Variants in TICRR observed in about 807,000 individuals in gnomAD.
The protein encoded by TICRR is treslin.
Under a neutral mutation model 178.1 loss-of-function variants are expected in TICRR, and 132 were observed. That is an observed-to-expected ratio of 0.74 (90% CI 0.64 to 0.86). The LOEUF is 0.86. Among genes scored for constraint, TICRR ranks in the 40% least tolerant of loss-of-function variants. TICRR has a pLI of 0.00. For missense variants in TICRR, 2,587 were observed against 2,334.3 expected, an observed-to-expected ratio of 1.11 and a Z score of -2.23; for synonymous variants, 991 against 900.7, an observed-to-expected ratio of 1.10 and a Z score of -1.79.
chr15:89,627,988 A>AT lies in TICRR; in HGVS notation c.*911dup, dbSNP rs113145397. ...AAACTTCCCATTTGTCCCTTCAAAG[A>AT]TTTTTTTTTATTAAATGGTTTTTTA... On this transcript the variant is annotated 3_prime_UTR_variant, in exon 22 of 22. Transcript: ENST00000268138. 1,560 of 157,664 alleles carry AT rather than the reference A, an allele frequency of 9.9e-3. 27 individuals are homozygous for AT. Among genetic ancestry groups the AT allele is most frequent in the African/African-American group, 0.035 (1,455 of 41,660 alleles). The allele number at this position is 157,664 out of a possible 1,614,324, so 9.8% of individuals were successfully genotyped here.
At chr15:89,596,791 TTAGA>T (rs1432171213) in intron 7 of TICRR, among the ~76,000 whole-genome samples, 1 of 152,242 alleles carries the variant, frequency 6.6e-6, no homozygotes, top group Non-Finnish European at 1.5e-5. Context: ...TGTTGGACCC[TTAGA>T]TAGTTAATAG....
chr15:89,616,776 T>G (rs762740343), intron 16 of TICRR, among the ~76,000 whole-genome samples: 1 of 152,214 alleles, frequency 6.6e-6, no homozygotes, highest in Non-Finnish European at 1.5e-5. Flanking sequence ...ACTCCACGGT[T>G]TTTAAATCCA....
intron 9 of TICRR, 74 bp from the exon 10 acceptor site, chr15:89,601,224 T>C: frequency 2.3e-6 from 3 of 1,316,606 alleles, no homozygotes; most frequent in Non-Finnish European, 3.2e-6. Context: ...TATAAATAGA[T>C]CTATGCTTAC....
chr15:89,626,190 A>T, intron 21 of TICRR, 129 bp downstream of exon 21: 1 of 990,482 alleles, frequency 1.0e-6, no homozygotes, highest in Non-Finnish European at 1.5e-6. Flanking sequence ...CTTCGCGCCT[A>T]CAGCGTCATG....
chr15:89,625,806 C>A lies in TICRR; in HGVS notation c.5476+20C>A, dbSNP rs760747262. On this transcript the variant is annotated intron_variant, in intron 20 of 21. Transcript: ENST00000268138. ...TTTCCGGTGAGTTCGTTTTTGAAACCCAGTTTCCTCATGGTTTCTTTTGGT... is the reference window on the plus strand; with the variant it reads ...TTTCCGGTGAGTTCGTTTTTGAAACACAGTTTCCTCATGGTTTCTTTTGGT... 9 of 1,581,510 alleles carry A rather than the reference C, an allele frequency of 5.7e-6. No homozygotes were observed. In the Admixed American group the frequency reaches 1.6e-4, roughly 28 times the overall value.
intron 18 of TICRR, among the ~76,000 whole-genome samples, chr15:89,620,677 C>T (rs968490035): frequency 6.6e-6 from 1 of 151,970 alleles, no homozygotes; most frequent in Non-Finnish European, 1.5e-5. Flanking sequence ...AAATTGTTGC[C>T]TTCTTTCTTT....
chr15:89,609,637 GCTAA>G (rs1963228074), intron 15 of TICRR, among the ~76,000 whole-genome samples: 3 of 151,822 alleles, frequency 2.0e-5, no homozygotes, highest in South Asian at 4.2e-4. Flanking sequence ...ACCACACCCG[GCTAA>G]TTTTTGTATT....
chr15:89,625,458 TGAGTCA>T lies in TICRR; in HGVS notation c.5152_5157del (p.Ser1718_Glu1719del). 6.2e-7 allele frequency: 1 copy of T among 1,613,932 alleles called. No homozygotes were observed. Among genetic ancestry groups the T allele is most frequent in the Non-Finnish European group, 8.5e-7 (1 of 1,180,000 alleles). On this transcript the variant is annotated inframe_deletion, in exon 20 of 22. Coordinates refer to ENST00000268138, the MANE Select transcript of TICRR (RefSeq NM_152259.4). ...ACCTTCCTGGGAGCCTGTCACTGCT[TGAGTCA>T]GAGGGCAAGGACCACGGCCTTGAAC...
Position 89,594,498 on chromosome 15 carries a change from A to G in TICRR, c.1625A>G (p.Gln542Arg). ...ATACATTGCCTTGCCGAGCTCTACC[A>G]GAGAAAATCTCGTGAAGAATCCACT... ...ELIHCLAELY[Q>R]RKSREESTIA... Residue 542 changes from glutamine (Q) to arginine (R), a missense_variant, in exon 6 of 22, where the codon CAG becomes CGG. Coordinates refer to ENST00000268138, the MANE Select transcript of TICRR (RefSeq NM_152259.4). 3.1e-6 allele frequency: 5 copies of G among 1,613,448 alleles called. No individual in the cohort carries two copies. The highest frequency in any genetic ancestry group is 4.2e-6 in the Non-Finnish European group (5 of 1,179,668).
intron 19 of TICRR, among the ~76,000 whole-genome samples, chr15:89,622,140 A>C (rs1963437409): frequency 6.6e-6 from 1 of 151,834 alleles, no homozygotes; most frequent in East Asian, 1.9e-4. Context: ...CACCCACCAC[A>C]ACGCCCAACT....
intron 4 of TICRR, 35 bp downstream of exon 4, chr15:89,585,977 G>C (rs777898992): frequency 1.3e-6 from 2 of 1,579,298 alleles, no homozygotes; most frequent in African/African-American, 1.3e-5. Context: ...CAGAGTCTAG[G>C]GTGGTTTGCA....
Position 89,606,817 on chromosome 15 carries a change from C to T in TICRR, c.2714C>T (p.Thr905Ile), listed in dbSNP as rs998277303. 6.2e-7 allele frequency: 1 copy of T among 1,613,512 alleles called. No individual in the cohort carries two copies. The highest frequency in any genetic ancestry group is 8.5e-7 in the Non-Finnish European group (1 of 1,179,502). ...PQQPSQPVKD[T>I]VQEVTKVRRN... ...CAGCCTTCCCAGCCAGTGAAAGATA[C>T]AGTGCAAGGTATACTGTTTTCTCAG... The change falls in exon 14 of 22, where the codon ACA (threonine) becomes ATA (isoleucine). Residue 905 changes from threonine (T) to isoleucine (I), a missense_variant. Transcript: ENST00000268138.
chr15:89,601,800 T>A lies in TICRR; in HGVS notation c.2391T>A (p.Pro797=). 2 of 1,614,190 alleles carry A rather than the reference T, an allele frequency of 1.2e-6. No homozygotes were observed. Among genetic ancestry groups the A allele is most frequent in the Middle Eastern group, 1.6e-4 (1 of 6,062 alleles). Residue 797 remains proline (P), a synonymous_variant, in exon 12 of 22, where the codon CCT becomes CCA. Transcript: ENST00000268138. ...ACAACAGCCTAGGGTTTGTGATTCC[T>A]CAGAAGCTGGCTGGTGTCCTTCCTA... The part of the protein sequence containing the change: ...NLYNSLGFVI[P]QKLAGVLPTD...
chr15:89,625,961 C>G lies in TICRR; in HGVS notation c.5502C>G (p.Ala1834=). ...VSGSTPPPSC[A]VRSCLSASAL... ...GCTCCACCCCACCTCCCAGCTGTGC[C>G]GTGCGGAGCTGCCTCTCTGCCAGTG... The change falls in exon 21 of 22, where the codon GCC becomes GCG. Residue 1834 remains alanine, a synonymous_variant. Coordinates refer to ENST00000268138, the MANE Select transcript of TICRR (RefSeq NM_152259.4). 6.3e-7 allele frequency: 1 copy of G among 1,590,216 alleles called. No homozygotes were observed. The highest frequency in any genetic ancestry group is 8.5e-7 in the Non-Finnish European group (1 of 1,170,652).
chr15:89,611,443 G>A (rs747975273), intron 15 of TICRR, among the ~76,000 whole-genome samples: 13 of 152,118 alleles, frequency 8.5e-5, no homozygotes, highest in Non-Finnish European at 1.5e-4. Flanking sequence ...TGACTACAAC[G>A]TGTCTCAGTG....
At chr15:89,609,588 C>A (rs531715188) in intron 15 of TICRR, among the ~76,000 whole-genome samples, 1 of 152,256 alleles carries the variant, frequency 6.6e-6, no homozygotes, top group South Asian at 2.1e-4. Flanking sequence ...GCTTCTCCTA[C>A]CTCAGCCTCC....
intron 15 of TICRR, among the ~76,000 whole-genome samples, chr15:89,609,205 G>C (rs1963220878): frequency 7.4e-6 from 1 of 135,732 alleles, no homozygotes; most frequent in Non-Finnish European, 1.5e-5. Flanking sequence ...CCACCTCCCA[G>C]GCTCAAGTGA....
At position 89,624,443 on chromosome 15, in the gene TICRR, C is replaced by G. The variant is rs766954182; in HGVS notation, c.4133C>G (p.Pro1378Arg). 4 of 1,614,202 alleles carry G rather than the reference C, an allele frequency of 2.5e-6. No individual in the cohort carries two copies. The highest frequency in any genetic ancestry group is 3.4e-6 in the Non-Finnish European group (4 of 1,180,028). ...TTGGACACCGTCCCTCCTCCACCCCCTTCTAAAGTTGGGAAACGGTGTAGA... is the reference window on the plus strand; with the variant it reads ...TTGGACACCGTCCCTCCTCCACCCCGTTCTAAAGTTGGGAAACGGTGTAGA... ...ATLDTVPPPP[P>R]SKVGKRCRKT... Residue 1378 changes from proline (P) to arginine (R), a missense_variant, in exon 20 of 22, where the codon CCT (proline) becomes CGT (arginine). Transcript: ENST00000268138.
chr15:89,620,155 G>C (rs1216539502), intron 18 of TICRR, among the ~76,000 whole-genome samples: 1 of 152,104 alleles, frequency 6.6e-6, no homozygotes, highest in East Asian at 1.9e-4. Flanking sequence ...TGATATCTGT[G>C]TTTACGTTCT....
Sources: allele counts gnomAD v4.1 joint callset (sites outside exome capture counted in the v4.1 genomes callset), GRCh38; gene constraint gnomAD v4.1.1; transcripts MANE v1.5; gene names NCBI Gene and HGNC (gene_info 2026-07-23, HGNC 2026-07-21).